Variants in EIF4G3 observed in about 807,000 individuals in gnomAD.
EIF4G3 encodes the protein eukaryotic translation initiation factor 4 gamma 3.
A neutral mutation model predicts 186.4 loss-of-function variants in EIF4G3; 34 were observed. The observed-to-expected ratio is 0.18, with a 90% CI of 0.14 to 0.24. The LOEUF (loss-of-function observed/expected upper bound fraction) is 0.24. EIF4G3 is among the 10% of genes least tolerant of loss of function. The pLI is 1.00. For missense variants in EIF4G3, 1,536 were observed against 1,948.5 expected, an observed-to-expected ratio of 0.79 and a Z score of 3.99; for synonymous variants, 673 against 679.5, an observed-to-expected ratio of 0.99 and a Z score of 0.15.
chr1:20,929,986 C>T (rs568422073), intron 14 of EIF4G3, among the ~76,000 whole-genome samples: 9 of 152,238 alleles, frequency 5.9e-5, no homozygotes, highest in Admixed American at 5.9e-4. Context: ...TAAAGCGAGT[C>T]ACAAATTTTT....
intron 18 of EIF4G3, chr1:20,892,728 A>G: frequency 1.3e-6 from 2 of 1,530,456 alleles, no homozygotes; most frequent in South Asian, 2.4e-5. Flanking sequence ...CACTTTGCAA[A>G]TCTGTAGAAA....
chr1:21,082,646 A>G (rs2095824363), intron 3 of EIF4G3, among the ~76,000 whole-genome samples: 1 of 152,064 alleles, frequency 6.6e-6, no homozygotes, highest in South Asian at 2.1e-4. Flanking sequence ...CTCACACCAT[A>G]ATCCCAGCAC....
intron 2 of EIF4G3, among the ~76,000 whole-genome samples, chr1:21,108,857 C>T (rs1463896751): frequency 7.4e-6 from 1 of 134,390 alleles, no homozygotes; most frequent in African/African-American, 2.9e-5. Flanking sequence ...GAGCTGAGAT[C>T]GCGCCACTGC....
At chr1:21,054,443 G>A (rs972604523) in intron 3 of EIF4G3, among the ~76,000 whole-genome samples, 3 of 146,524 alleles carry the variant, frequency 2.0e-5, no homozygotes, top group South Asian at 2.2e-4. Flanking sequence ...CCCCCTCTGC[G>A]AGAAACACCC....
intron 2 of EIF4G3, among the ~76,000 whole-genome samples, chr1:21,141,867 G>A (rs772407981): frequency 2.6e-5 from 4 of 151,756 alleles, no homozygotes; most frequent in Middle Eastern, 3.2e-3. Flanking sequence ...GGAAATCGAC[G>A]CTGCAGTGAG....
At chr1:21,052,042 CAGAA>C (rs1168507540) in intron 3 of EIF4G3, among the ~76,000 whole-genome samples, 7 of 152,096 alleles carry the variant, frequency 4.6e-5, no homozygotes, top group African/African-American at 1.7e-4. Flanking sequence ...AAAATCTTAA[CAGAA>C]AGCATTACAG....
In EIF4G3 at chr1:20,969,596, T is replaced by C. The variant is rs1344437443; in HGVS notation, c.592A>G (p.Ile198Val). 6.2e-7 allele frequency: 1 copy of C among 1,613,086 alleles called. No individual in the cohort carries two copies. The highest frequency in any genetic ancestry group is 8.5e-7 in the Non-Finnish European group (1 of 1,179,522). The part of the protein sequence containing the change: ...PPPAKREKKT[I>V]RIRDPNQGGK... ...CCCTGGTTTGGATCCCGAATTCTTATCTATAAGGTTAAATAAAATGACATA... is the reference window on the plus strand; with the variant it reads ...CCCTGGTTTGGATCCCGAATTCTTACCTATAAGGTTAAATAAAATGACATA... Residue 198 changes from isoleucine to valine, a missense_variant and splice_region_variant, in exon 12 of 37, where the codon ATA becomes GTA. Ile to Val is a conservative substitution (Grantham distance 29). Transcript: ENST00000602326.
At position 20,903,331 on chromosome 1, in the gene EIF4G3, C is replaced by G. The variant is rs117691868; in HGVS notation, c.1752+1552G>C. Among the ~76,000 whole-genome samples, 625 of 152,194 alleles carry G rather than the reference C, an allele frequency of 4.1e-3. 10 individuals carry two copies. Among genetic ancestry groups the G allele is most frequent in the East Asian group, 0.024 (122 of 5,180 alleles). On this transcript the variant is annotated intron_variant, in intron 15 of 36. Coordinates refer to ENST00000602326, the MANE Select transcript of EIF4G3 (RefSeq NM_001391906.1). ...CACAAAAAGTTTGGTGAACCTCAAG[C>G]TGAAGATTAGGATGAATATTTGAAG...
chr1:21,108,214 A>G (rs1453830345), intron 2 of EIF4G3, among the ~76,000 whole-genome samples: 2 of 152,290 alleles, frequency 1.3e-5, no homozygotes, highest in Non-Finnish European at 2.9e-5. Flanking sequence ...AAATCTGACC[A>G]CTTGCTAAGA....
intron 2 of EIF4G3, among the ~76,000 whole-genome samples, chr1:21,162,756 A>T (rs2097787497): frequency 6.6e-6 from 1 of 152,154 alleles, no homozygotes; most frequent in African/African-American, 2.4e-5. Context: ...TCCAAAAAAA[A>T]ATAAATAAAT....
intron 18 of EIF4G3, among the ~76,000 whole-genome samples, chr1:20,887,651 TAA>T (rs5772922): frequency 9.0e-5 from 13 of 144,764 alleles, no homozygotes; most frequent in Non-Finnish European, 1.1e-4. Flanking sequence ...TGATAAACAT[TAA>T]AAAAAAAAAA....
At chr1:21,096,510 C>G (rs1368126723) in intron 2 of EIF4G3, among the ~76,000 whole-genome samples, 1 of 152,146 alleles carries the variant, frequency 6.6e-6, no homozygotes, top group East Asian at 1.9e-4. Context: ...ACACTTGTCC[C>G]CCATAAATTT....
At chr1:20,991,875 A>T (rs975704893) in intron 7 of EIF4G3, among the ~76,000 whole-genome samples, 14 of 152,312 alleles carry the variant, frequency 9.2e-5, no homozygotes, top group Non-Finnish European at 1.0e-4. Flanking sequence ...GGAAACTGAC[A>T]CCTACCAAGG....
intron 3 of EIF4G3, among the ~76,000 whole-genome samples, chr1:21,059,029 A>C (rs1329144464): frequency 6.6e-6 from 1 of 152,120 alleles, no homozygotes; most frequent in African/African-American, 2.4e-5. Context: ...TTTAAAAAGT[A>C]TAGTAATTAA....
In EIF4G3 at chr1:20,941,848, C is replaced by G; in HGVS notation, c.1306G>C (p.Val436Leu). 6.2e-7 allele frequency: 1 copy of G among 1,614,154 alleles called. No homozygotes were observed. The highest frequency in any genetic ancestry group is 8.5e-7 in the Non-Finnish European group (1 of 1,180,018). ...ESIVEIVKQE[V>L]LPLTLELEIL... The stretch of plus-strand genomic sequence containing the variant: ...TCCAATTCAAGAGTCAATGGCAATA[C>G]TTCCTGTTTTACTATTTCCACAATG... Residue 436 changes from valine (V) to leucine (L), a missense_variant, in exon 14 of 37, where the codon GTA becomes CTA. Val to Leu is a conservative substitution (Grantham distance 32). Around this residue, in one of 11 missense-constraint regions of EIF4G3, gnomAD observed 560 missense variants for 547.8 expected, o/e 1.02. Coordinates refer to ENST00000602326, the MANE Select transcript of EIF4G3 (RefSeq NM_001391906.1).
At chr1:20,876,434 TTTA>T (rs1235885411) in intron 20 of EIF4G3, among the ~76,000 whole-genome samples, 1 of 146,266 alleles carries the variant, frequency 6.8e-6, no homozygotes, top group Non-Finnish European at 1.5e-5. Context: ...GCCCAAAACA[TTTA>T]TTAAGTAAAA....
At chr1:21,127,232 T>C (rs890586536) in intron 2 of EIF4G3, among the ~76,000 whole-genome samples, 2 of 152,062 alleles carry the variant, frequency 1.3e-5, no homozygotes, top group African/African-American at 4.8e-5. Context: ...GCACCAATCC[T>C]CCCCAAAGTG....
At chr1:20,837,190 CAGTA>C in intron 30 of EIF4G3, among the ~76,000 whole-genome samples, 1 of 152,074 alleles carries the variant, frequency 6.6e-6, no homozygotes, top group East Asian at 1.9e-4. Flanking sequence ...CACCAGGGAC[CAGTA>C]TACCTGGAGG....
rs545275547 is a variant in EIF4G3, at chr1:21,101,154, A to G, written c.-271-11941T>C. 2.6e-5 allele frequency among the ~76,000 whole-genome samples: 4 copies of G among 152,286 alleles called. No homozygotes were observed. In the East Asian group the frequency reaches 7.7e-4, roughly 29 times the overall value. ...AGTTTAACGGTAAAAATAACTTCAC[A>G]AAGTGAAAAATCATGGTTAACTATC... On this transcript the variant is annotated intron_variant, in intron 2 of 36. Coordinates refer to ENST00000602326, the MANE Select transcript of EIF4G3 (RefSeq NM_001391906.1).
Sources: allele counts gnomAD v4.1 joint callset (sites outside exome capture counted in the v4.1 genomes callset), GRCh38; gene constraint gnomAD v4.1.1; regional missense constraint gnomAD v4.1.1; transcripts MANE v1.5; gene names NCBI Gene and HGNC (gene_info 2026-07-23, HGNC 2026-07-21).